The following TGFB2 variants were observed in gnomAD, a reference collection of about 807,000 sequenced individuals.
TGFB2 encodes transforming growth factor beta-2 proprotein.
Under a neutral mutation model 42.7 loss-of-function variants are expected in TGFB2, and 13 were observed. That is an observed-to-expected ratio of 0.30 (90% CI 0.20 to 0.48). The LOEUF (loss-of-function observed/expected upper bound fraction) is 0.48, where lower values mean the gene tolerates loss of function less well. Ranked by LOEUF, TGFB2 falls within the 20% of genes least tolerant of loss-of-function variation. TGFB2 has a pLI of 0.99. For synonymous variants in TGFB2, 193 were observed against 193.6 expected, an observed-to-expected ratio of 1.00 and a Z score of 0.03; for missense variants, 390 against 517.5, an observed-to-expected ratio of 0.75 and a Z score of 2.39.
chr1:218,388,092 A>T (rs1057359221), intron 1 of TGFB2, among the ~76,000 whole-genome samples: 1 of 152,212 alleles, frequency 6.6e-6, no homozygotes, highest in Non-Finnish European at 1.5e-5. Context: ...GGAATTAGGC[A>T]TAGTATATAA....
chr1:218,437,439 C>A lies in TGFB2; in HGVS notation c.1029C>A (p.Ala343=). Residue 343 remains alanine, a synonymous_variant, in exon 6 of 7, where the codon GCC becomes GCA. Transcript: ENST00000366930. ...KWIHEPKGYN[A]NFCAGACPYL... ...TACACGAACCCAAAGGGTACAATGC[C>A]AACTTCTGTGCTGGAGCATGCCCGT... 6.2e-7 allele frequency: 1 copy of A among 1,613,346 alleles called. No individual in the cohort carries two copies. Among genetic ancestry groups the A allele is most frequent in the Non-Finnish European group, 8.5e-7 (1 of 1,179,782 alleles).
intron 1 of TGFB2, among the ~76,000 whole-genome samples, chr1:218,377,574 C>G (rs1477754855): frequency 1.3e-5 from 2 of 152,168 alleles, no homozygotes; most frequent in Admixed American, 1.3e-4. Flanking sequence ...TAGTCCTCCT[C>G]CCCCTAATGT....
At chr1:218,384,380 T>C (rs1658061625) in intron 1 of TGFB2, among the ~76,000 whole-genome samples, 1 of 152,230 alleles carries the variant, frequency 6.6e-6, no homozygotes, top group Non-Finnish European at 1.5e-5. Flanking sequence ...TCCTATACTA[T>C]TATGTGTTAT....
At chr1:218,360,415 T>A (rs138337343) in intron 1 of TGFB2, among the ~76,000 whole-genome samples, 49 of 152,250 alleles carry the variant, frequency 3.2e-4, no homozygotes, top group African/African-American at 1.2e-3. Flanking sequence ...TTACCCATAG[T>A]CCCCCATCAT....
chr1:218,388,335 A>G (rs1658205161), intron 1 of TGFB2, among the ~76,000 whole-genome samples: 1 of 152,000 alleles, frequency 6.6e-6, no homozygotes, highest in Non-Finnish European at 1.5e-5. Flanking sequence ...TGGCCCCCCC[A>G]CATCCAGAGG....
At chr1:218,359,616 G>T (rs1473677778) in intron 1 of TGFB2, among the ~76,000 whole-genome samples, 3 of 152,174 alleles carry the variant, frequency 2.0e-5, no homozygotes, top group Non-Finnish European at 2.9e-5. Flanking sequence ...CTTGATCTAA[G>T]CTGACCCTGA....
chr1:218,441,043 A>G (rs371244928), intron 6 of TGFB2, among the ~76,000 whole-genome samples, 161 bp from the exon 7 acceptor site: 95 of 152,350 alleles, frequency 6.2e-4, no homozygotes, highest in African/African-American at 2.3e-3. Flanking sequence ...CTAAGGTCAC[A>G]TATCAGTTTG....
intron 2 of TGFB2, among the ~76,000 whole-genome samples, chr1:218,411,333 G>A (rs1396598895): frequency 1.3e-5 from 2 of 152,144 alleles, no homozygotes. Flanking sequence ...TGCTCCATGT[G>A]GCTTTGGCTG....
intron 2 of TGFB2, among the ~76,000 whole-genome samples, chr1:218,433,880 G>A (rs952133392): frequency 2.6e-5 from 4 of 152,156 alleles, no homozygotes; most frequent in African/African-American, 4.8e-5. Context: ...ACATGCAGCT[G>A]ATTTAGTAGC....
At chr1:218,363,987 GA>G (rs1267185365) in intron 1 of TGFB2, among the ~76,000 whole-genome samples, 4 of 152,078 alleles carry the variant, frequency 2.6e-5, no homozygotes, top group African/African-American at 7.2e-5. Flanking sequence ...AAAATTATGA[GA>G]TTTTTTTTTG....
chr1:218,383,756 T>G (rs1404383150), intron 1 of TGFB2, among the ~76,000 whole-genome samples: 1 of 152,222 alleles, frequency 6.6e-6, no homozygotes, highest in Non-Finnish European at 1.5e-5. Context: ...CAGGTTTCGA[T>G]GGGTTACAGA....
At chr1:218,367,555 C>T (rs564021737) in intron 1 of TGFB2, among the ~76,000 whole-genome samples, 64 of 152,170 alleles carry the variant, frequency 4.2e-4, no homozygotes, top group Non-Finnish European at 6.6e-4. Context: ...CTATAACTAC[C>T]GTAGATTTTT....
At chr1:218,439,628 T>G (rs1012061201) in intron 6 of TGFB2, among the ~76,000 whole-genome samples, 11 of 152,186 alleles carry the variant, frequency 7.2e-5, no homozygotes, top group African/African-American at 2.4e-4. Context: ...GGGGCGACCG[T>G]GTGCTTGGCC....
At chr1:218,384,220 T>C (rs538930273) in intron 1 of TGFB2, among the ~76,000 whole-genome samples, 1 of 152,320 alleles carries the variant, frequency 6.6e-6, no homozygotes, top group African/African-American at 2.4e-5. Context: ...TTTTATTGGG[T>C]TAAAAGTTAT....
intron 2 of TGFB2, among the ~76,000 whole-genome samples, chr1:218,422,616 T>A (rs1659494059): frequency 6.6e-6 from 1 of 152,088 alleles, no homozygotes; most frequent in Non-Finnish European, 1.5e-5. Context: ...CCTTTTACAC[T>A]CTCCTCTCTA....
At position 218,346,979 on chromosome 1, in the gene TGFB2, G is replaced by C. The variant is rs761533776; in HGVS notation, c.278G>C (p.Arg93Thr). Residue 93 changes from arginine (R) to threonine (T), a missense_variant, in exon 1 of 7, where the codon AGG becomes ACG. Coordinates refer to ENST00000366930, the MANE Select transcript of TGFB2 (RefSeq NM_003238.6). The surrounding 1 kb of genome is among the most constrained non-coding windows in gnomAD (Gnocchi z 4.9). Reference sequence around the variant, plus strand: ...AGGGCGGCCGCCTGCGAGCGCGAGAGGAGCGACGAAGAGTACTACGCCAAG... The same window carrying C: ...AGGGCGGCCGCCTGCGAGCGCGAGACGAGCGACGAAGAGTACTACGCCAAG... ...SRRAAACERERSDEEYYAKEV... is the reference protein window; with the variant it reads ...SRRAAACERETSDEEYYAKEV... 6.2e-7 allele frequency: 1 copy of C among 1,613,604 alleles called. No homozygotes were observed. The highest frequency in any genetic ancestry group is 2.2e-5 in the East Asian group (1 of 44,858).
At chr1:218,351,106 A>G (rs1656854368) in intron 1 of TGFB2, among the ~76,000 whole-genome samples, 1 of 152,222 alleles carries the variant, frequency 6.6e-6, no homozygotes, top group African/African-American at 2.4e-5. Flanking sequence ...ATGAATACCA[A>G]TGACACTATG....
intron 1 of TGFB2, among the ~76,000 whole-genome samples, chr1:218,347,990 G>A (rs534812644): frequency 6.6e-6 from 1 of 150,504 alleles, no homozygotes; most frequent in African/African-American, 2.5e-5. Context: ...AAACCAGCTG[G>A]CATACAGTAG....
At chr1:218,414,548 A>G (rs1400011773) in intron 2 of TGFB2, among the ~76,000 whole-genome samples, 1 of 152,192 alleles carries the variant, frequency 6.6e-6, no homozygotes, top group Non-Finnish European at 1.5e-5. Context: ...GCACAAGGCT[A>G]TTAATATCTC....
Sources: allele counts gnomAD v4.1 joint callset (sites outside exome capture counted in the v4.1 genomes callset), GRCh38; gene constraint gnomAD v4.1.1; non-coding constraint Gnocchi (gnomAD v3.1); transcripts MANE v1.5; gene names NCBI Gene and HGNC (gene_info 2026-07-23, HGNC 2026-07-21).